Variants in CPSF2 observed in about 807,000 individuals in gnomAD.
CPSF2 encodes the protein cleavage and polyadenylation specific factor 2.
Under a neutral mutation model 84.2 loss-of-function variants are expected in CPSF2, and 51 were observed. The observed-to-expected ratio is 0.61, with a 90% confidence interval of 0.48 to 0.77. The LOEUF (loss-of-function observed/expected upper bound fraction) is 0.77, where lower values mean the gene tolerates loss of function less well. CPSF2 is among the 30% of genes least tolerant of loss of function. The pLI, the probability that CPSF2 is intolerant of heterozygous loss-of-function variation, is 0.00. For synonymous variants in CPSF2, 286 were observed against 311.9 expected, an observed-to-expected ratio of 0.92 and a Z score of 0.87; for missense variants, 641 against 929.4, an observed-to-expected ratio of 0.69 and a Z score of 4.03.
intron 3 of CPSF2, among the ~76,000 whole-genome samples, chr14:92,131,850 AGAT>A: frequency 1.3e-5 from 2 of 149,108 alleles, no homozygotes; most frequent in Admixed American, 1.4e-4. Context: ...AAAAAAAATA[AGAT>A]AAAATAAAAA....
intron 1 of CPSF2, among the ~76,000 whole-genome samples, chr14:92,125,356 T>C (rs973747192): frequency 6.6e-6 from 1 of 152,198 alleles, no homozygotes; most frequent in African/African-American, 2.4e-5. Flanking sequence ...CCTTGGTTAC[T>C]TAGATAACAA....
rs1481866078 is a variant in CPSF2 at position 92,170,856 on chromosome 14, G to C, written c.*9112G>C. On this transcript the variant is annotated 3_prime_UTR_variant, in exon 16 of 16. Coordinates refer to ENST00000298875, the MANE Select transcript of CPSF2 (RefSeq NM_017437.3). ...CTGGTGATGTTAATTTTTAACAGTT[G>C]GTTACGATGTTTTCAAGATTTCTCC... 6.6e-6 allele frequency: 1 copy of C among 152,044 alleles called. No homozygotes were observed. The highest frequency in any genetic ancestry group is 1.5e-5 in the Non-Finnish European group (1 of 67,980). 9.4% of individuals were successfully genotyped at this position (152,044 alleles called of 1,614,324 possible).
intron 5 of CPSF2, among the ~76,000 whole-genome samples, chr14:92,134,938 A>G (rs2068979618): frequency 6.6e-6 from 1 of 152,208 alleles, no homozygotes; most frequent in Non-Finnish European, 1.5e-5. Context: ...TTTTGCTTCT[A>G]GTTAATTTTT....
In CPSF2 at chr14:92,158,843, G is replaced by GC. The variant is rs1409456000; in HGVS notation, c.1822-140_1822-139insC. The GC allele has an allele frequency of 5.7e-6, 4 of 706,576 alleles. No individual in the cohort carries two copies. In the African/African-American group the frequency reaches 7.2e-5, roughly 13 times the overall value. The allele number at this position is 706,576 out of a possible 1,614,324, so 43.8% of individuals were successfully genotyped here. A position where few individuals can be genotyped will look rare whatever the true frequency, so the allele number is the denominator to read the frequency against. ...TCTGCAGGTAATGAGGTCATTGCAGGTCATTGTGGGACTCAGATGAGTGAA... is the reference window on the plus strand; with the variant it reads ...TCTGCAGGTAATGAGGTCATTGCAGGCTCATTGTGGGACTCAGATGAGTGAA... On this transcript the variant is annotated intron_variant, in intron 13 of 15. Coordinates refer to ENST00000298875, the MANE Select transcript of CPSF2 (RefSeq NM_017437.3).
intron 1 of CPSF2, among the ~76,000 whole-genome samples, chr14:92,123,776 C>T (rs7149665): frequency 0.2 from 30,440 of 152,150 alleles, 3,434 homozygotes; most frequent in East Asian, 0.54. Flanking sequence ...AACCAGTGCT[C>T]TGAAGGAATT....
chr14:92,138,387 G>A, intron 7 of CPSF2, 40 bp downstream of exon 7: 1 of 1,054,532 alleles, frequency 9.5e-7, no homozygotes, highest in Non-Finnish European at 1.3e-6. Context: ...TTATTATTTT[G>A]TAACTTTTTG....
chr14:92,156,021 G>A lies in CPSF2; in HGVS notation c.1443-458G>A, dbSNP rs567334078. Among the ~76,000 whole-genome samples the A allele has an allele frequency of 1.1e-3, 169 of 152,272 alleles. 2 individuals carry two copies. Among genetic ancestry groups the A allele is most frequent in the Admixed American group, 0.011 (168 of 15,286 alleles). On this transcript the variant is annotated intron_variant, in intron 11 of 15. Coordinates refer to ENST00000298875, the MANE Select transcript of CPSF2 (RefSeq NM_017437.3). The stretch of plus-strand genomic sequence containing the variant: ...AAACATGATACAGGCCAGGTGTGGT[G>A]GCTCACGCCTGTAATCCCAGCACTT...
chr14:92,139,309 CAGG>C (rs2069042634), intron 7 of CPSF2, among the ~76,000 whole-genome samples: 1 of 151,422 alleles, frequency 6.6e-6, no homozygotes, highest in East Asian at 2.0e-4. Context: ...CCCAGCTACT[CAGG>C]AGGCTGAGGC....
rs926295204 is a variant in CPSF2, at chr14:92,165,816, G to GT, written c.*4079dup. ...TTTTAATTTTGATAAAGTCCAGTTT[G>GT]TTTTTTTCCCTTCAGTTCTTTGTGC... On this transcript the variant is annotated 3_prime_UTR_variant, in exon 16 of 16. Coordinates refer to ENST00000298875, the MANE Select transcript of CPSF2 (RefSeq NM_017437.3). 4.5e-5 allele frequency: 4 copies of GT among 89,732 alleles called. No homozygotes were observed. The highest frequency in any genetic ancestry group is 1.7e-4 in the African/African-American group (4 of 22,890). The allele number at this position is 89,732 out of a possible 1,614,324, so 5.6% of individuals were successfully genotyped here.
rs1220538048 is a variant in CPSF2, at chr14:92,134,247, T to C, written c.310-3T>C. ...TTCACCTTTATTTGTGTTATTCTTT[T>C]AGTCTCGACACAATACAGAAGATTT... is the stretch of plus-strand genomic sequence containing the variant. On this transcript the variant is annotated splice_region_variant and splice_polypyrimidine_tract_variant and intron_variant, in intron 4 of 15. Coordinates refer to ENST00000298875, the MANE Select transcript of CPSF2 (RefSeq NM_017437.3). 6.2e-7 allele frequency: 1 copy of C among 1,612,488 alleles called. No homozygotes were observed. The highest frequency in any genetic ancestry group is 2.2e-5 in the East Asian group (1 of 44,874).
In CPSF2 at chr14:92,135,406, G is replaced by A; in HGVS notation, c.455G>A (p.Gly152Asp). ...CTGTCTATCACACCTCTGCCAGCTG[G>A]TCATATGATAGGTGGAACAATATGG... ...HGLSITPLPA[G>D]HMIGGTIWKI... Residue 152 changes from glycine (G) to aspartate (D), a missense_variant, in exon 6 of 16, where the codon GGT (glycine) becomes GAT (aspartate). Physicochemically the swap from Gly to Asp is moderately conservative, Grantham distance 94. Coordinates refer to ENST00000298875, the MANE Select transcript of CPSF2 (RefSeq NM_017437.3). 1 of 1,613,758 alleles carries A rather than the reference G, an allele frequency of 6.2e-7. No homozygotes were observed. Among genetic ancestry groups the A allele is most frequent in the Non-Finnish European group, 8.5e-7 (1 of 1,179,770 alleles).
intron 1 of CPSF2, among the ~76,000 whole-genome samples, chr14:92,125,696 T>A (rs1423946939): frequency 2.0e-5 from 3 of 152,164 alleles, no homozygotes; most frequent in African/African-American, 4.8e-5. Flanking sequence ...CTTTTGTGAA[T>A]GTTTTCCAGG....
chr14:92,134,333 C>T lies in CPSF2; in HGVS notation c.393C>T (p.Phe131=). The T allele has an allele frequency of 6.2e-7, 1 of 1,611,204 alleles. No individual in the cohort carries two copies. The highest frequency in any genetic ancestry group is 8.5e-7 in the Non-Finnish European group (1 of 1,178,464). ...TTGATAAAATACAGCAGCTAAAATT[C>T]TCTCAGATTGTGAATTTGAAAGGTA... ...AAFDKIQQLK[F]SQIVNLKGKG... Residue 131 remains phenylalanine, a synonymous_variant, in exon 5 of 16, where the codon TTC becomes TTT. Transcript: ENST00000298875.
intron 14 of CPSF2, 31 bp from the exon 15 acceptor site, chr14:92,161,081 A>C: frequency 6.2e-7 from 1 of 1,607,250 alleles, no homozygotes; most frequent in Non-Finnish European, 8.5e-7. Context: ...TTTTACTTGA[A>C]GTTATTCTTT....
intron 9 of CPSF2, among the ~76,000 whole-genome samples, chr14:92,146,720 C>CTT (rs35607402): frequency 0.099 from 15,034 of 152,152 alleles, 823 homozygotes; most frequent in East Asian, 0.15. Flanking sequence ...CATTCACTTG[C>CTT]TTAAATGGCT....
chr14:92,135,189 G>C (rs1413940128), intron 5 of CPSF2, among the ~76,000 whole-genome samples, 178 bp from the exon 6 acceptor site: 1 of 152,196 alleles, frequency 6.6e-6, no homozygotes, highest in Non-Finnish European at 1.5e-5. Context: ...TCTAGTGAGG[G>C]AGTGGAGTAG....
intron 9 of CPSF2, among the ~76,000 whole-genome samples, chr14:92,148,490 C>G (rs2069170797): frequency 6.6e-6 from 1 of 152,140 alleles, no homozygotes; most frequent in Admixed American, 6.6e-5. Context: ...TACCGATGAC[C>G]ACAATGTCCT....
Position 92,167,587 on chromosome 14 carries a change from G to T in CPSF2, c.*5843G>T, listed in dbSNP as rs1300612240. 1 of 152,020 alleles carries T rather than the reference G, an allele frequency of 6.6e-6. No individual in the cohort carries two copies. The highest frequency in any genetic ancestry group is 2.4e-5 in the African/African-American group (1 of 41,422). The allele number at this position is 152,020 out of a possible 1,614,324, so 9.4% of individuals were successfully genotyped here. A position where few individuals can be genotyped will look rare whatever the true frequency, so the allele number is the denominator to read the frequency against. ...TGCTTCTACACTGCATTATTGCTTT[G>T]GTTCCCTAGTGTACATTCACTTTGC... On this transcript the variant is annotated 3_prime_UTR_variant, in exon 16 of 16. Coordinates refer to ENST00000298875, the MANE Select transcript of CPSF2 (RefSeq NM_017437.3).
chr14:92,140,444 T>TTTG (rs1323966540), intron 7 of CPSF2, among the ~76,000 whole-genome samples: 1 of 149,608 alleles, frequency 6.7e-6, no homozygotes, highest in African/African-American at 2.5e-5. Flanking sequence ...CTTTTTTTTT[T>TTTG]TTTTTTTGAG....
Sources: allele counts gnomAD v4.1 joint callset (sites outside exome capture counted in the v4.1 genomes callset), GRCh38; gene constraint gnomAD v4.1.1; transcripts MANE v1.5; gene names NCBI Gene and HGNC (gene_info 2026-07-23, HGNC 2026-07-21).